RYR2: variants seen among roughly 807,000 people sequenced by gnomAD.
The protein encoded by RYR2 is cardiac muscle ryanodine receptor-calcium release channel.
Under a neutral mutation model 601.1 loss-of-function variants are expected in RYR2, and 227 were observed. That is an observed-to-expected ratio of 0.38 (90% CI 0.34 to 0.42). The LOEUF is 0.42. Among genes scored for constraint, RYR2 ranks in the 10% least tolerant of loss-of-function variants. RYR2 has a pLI of 1.00. For missense variants in RYR2, 4,646 were observed against 6,156.5 expected (o/e 0.75, Z 8.21); for synonymous variants, 2,223 against 2,175.1 (o/e 1.02, Z -0.61).
At chr1:237,082,641 A>G (rs796086714) in intron 1 of RYR2, among the ~76,000 whole-genome samples, 12 of 149,788 alleles carry the variant, frequency 8.0e-5, no homozygotes, top group African/African-American at 2.9e-4. Context: ...TCAGTACCAT[A>G]AGGTTAACCC....
intron 69 of RYR2, 115 bp from the exon 70 acceptor site, chr1:237,709,365 T>A: frequency 1.3e-6 from 1 of 762,464 alleles, no homozygotes; most frequent in Non-Finnish European, 2.2e-6. Context: ...AACACTGTGC[T>A]GAAACCATCA....
chr1:237,643,294 AGTT>A, intron 47 of RYR2, 30 bp from the exon 48 acceptor site: 1 of 1,603,684 alleles, frequency 6.2e-7, no homozygotes, highest in Non-Finnish European at 8.5e-7. Flanking sequence ...GATGTCACAA[AGTT>A]GTTCTAATGT....
intron 2 of RYR2, among the ~76,000 whole-genome samples, chr1:237,325,845 T>G (rs1696121562): frequency 6.6e-6 from 1 of 152,168 alleles, no homozygotes. Flanking sequence ...TGTTTTTATG[T>G]GTGATTTTAT....
rs1283158734 is a variant in RYR2 at position 237,387,282 on chromosome 1, A to G, written c.578A>G (p.His193Arg). The change falls in exon 9 of 105, where the codon CAC becomes CGC. Residue 193 changes from histidine (H) to arginine (R), a missense_variant and splice_region_variant. By Grantham distance (29) the His-to-Arg change is conservative. Coordinates refer to ENST00000366574, the MANE Select transcript of RYR2 (RefSeq NM_001035.3). The part of the protein sequence containing the change: ...LVSVSSERYL[H>R]LSYGNGSLHV... ...GCCTCCTTTTGCCTCTTGATACAGC[A>G]CTTGTCTTATGGCAACGGCAGCTTA... 1 of 1,613,826 alleles carries G rather than the reference A, an allele frequency of 6.2e-7. No homozygotes were observed. The highest frequency in any genetic ancestry group is 2.2e-5 in the East Asian group (1 of 44,862).
intron 1 of RYR2, among the ~76,000 whole-genome samples, chr1:237,154,158 G>A (rs917062165): frequency 6.6e-6 from 1 of 152,112 alleles, no homozygotes; most frequent in African/African-American, 2.4e-5. Flanking sequence ...TTATGGATGC[G>A]GATTATGAGT....
chr1:237,436,454 C>CTTTTTTTTTTCTTTTTTTTTTTTTTTTT (rs1707371040), intron 12 of RYR2, among the ~76,000 whole-genome samples: 2 of 48,730 alleles, frequency 4.1e-5, no homozygotes, highest in African/African-American at 9.9e-5. Flanking sequence ...TGTGATTTTC[C>CTTTTTTTTTTCTTTTTTTTTTTTTTTTT]TTTTTTTTTT....
In RYR2 at chr1:237,696,044, C is replaced by G. The variant is rs868581868; in HGVS notation, c.9068-2921C>G. ...GACAGTCCACAAATATTTTAAGGGC[C>G]TGCTGTATGTCAGACACTATTCTAG... On this transcript the variant is annotated intron_variant, in intron 63 of 104. Transcript: ENST00000366574. 2.6e-5 allele frequency among the ~76,000 whole-genome samples: 4 copies of G among 152,164 alleles called. 1 individual carries two copies. Among genetic ancestry groups the G allele is most frequent in the South Asian group, 2.1e-4 (1 of 4,830 alleles).
chr1:237,477,415 A>T (rs1428387115), intron 17 of RYR2, among the ~76,000 whole-genome samples: 1 of 151,510 alleles, frequency 6.6e-6, no homozygotes, highest in Non-Finnish European at 1.5e-5. Context: ...AAACAACATC[A>T]CAAGCAGTGA....
intron 12 of RYR2, among the ~76,000 whole-genome samples, chr1:237,427,938 C>A (rs1212321454): frequency 6.6e-6 from 1 of 151,326 alleles, no homozygotes; most frequent in African/African-American, 2.4e-5. Context: ...AAAAAGTGGG[C>A]AAGGAATATG....
chr1:237,415,399 G>A (rs1245716319), intron 10 of RYR2, among the ~76,000 whole-genome samples: 1 of 152,126 alleles, frequency 6.6e-6, no homozygotes, highest in Non-Finnish European at 1.5e-5. Flanking sequence ...CCTAATGGAT[G>A]GATTAGGGTG....
intron 84 of RYR2, among the ~76,000 whole-genome samples, chr1:237,765,504 A>G (rs1008970684): frequency 6.6e-6 from 1 of 152,206 alleles, no homozygotes; most frequent in Non-Finnish European, 1.5e-5. Context: ...TCTTACTGAT[A>G]TATTTATAAT....
intron 85 of RYR2, among the ~76,000 whole-genome samples, chr1:237,771,324 T>C (rs1465594655): frequency 2.0e-5 from 3 of 151,772 alleles, no homozygotes; most frequent in South Asian, 2.1e-4. Flanking sequence ...GGCAGGAGGA[T>C]TGCTTGAGGC....
chr1:237,665,077 T>A (rs1045985345), intron 56 of RYR2, among the ~76,000 whole-genome samples: 2 of 152,148 alleles, frequency 1.3e-5, no homozygotes, highest in Admixed American at 1.3e-4. Flanking sequence ...TACCAACCTT[T>A]GAGGCTGGTG....
At chr1:237,798,885 C>G (rs1320025738) in intron 97 of RYR2, among the ~76,000 whole-genome samples, 1 of 152,012 alleles carries the variant, frequency 6.6e-6, no homozygotes, top group Non-Finnish European at 1.5e-5. Flanking sequence ...GTAAAACATG[C>G]TTTTAAAAAC....
chr1:237,693,482 A>G (rs1350137302), intron 63 of RYR2, among the ~76,000 whole-genome samples: 1 of 152,192 alleles, frequency 6.6e-6, no homozygotes, highest in Non-Finnish European at 1.5e-5. Context: ...GTTAGTGGAG[A>G]ATTTGTGAAT....
At chr1:237,247,585 G>C (rs1008458001) in intron 1 of RYR2, among the ~76,000 whole-genome samples, 3 of 152,160 alleles carry the variant, frequency 2.0e-5, no homozygotes, top group Non-Finnish European at 4.4e-5. Context: ...TAAGAAAAGG[G>C]GCTCAGATGA....
chr1:237,287,850 T>G (rs1027289547), intron 2 of RYR2, among the ~76,000 whole-genome samples: 1 of 152,162 alleles, frequency 6.6e-6, no homozygotes, highest in African/African-American at 2.4e-5. Flanking sequence ...CCATTGGTGG[T>G]GAACTAATGT....
intron 1 of RYR2, among the ~76,000 whole-genome samples, chr1:237,159,375 T>C (rs1276961840): frequency 6.6e-6 from 1 of 152,168 alleles, no homozygotes; most frequent in Admixed American, 6.5e-5. Context: ...GGATGAAGTA[T>C]AGTCTATGGG....
intron 75 of RYR2, among the ~76,000 whole-genome samples, chr1:237,726,668 T>C (rs1175368891): frequency 6.6e-6 from 1 of 152,108 alleles, no homozygotes; most frequent in African/African-American, 2.4e-5. Context: ...ACAATGGACA[T>C]ATGAATAAGA....
Sources: allele counts gnomAD v4.1 joint callset (sites outside exome capture counted in the v4.1 genomes callset), GRCh38; gene constraint gnomAD v4.1.1; transcripts MANE v1.5; gene names NCBI Gene and HGNC (gene_info 2026-07-23, HGNC 2026-07-21).